Variants in POPDC3 observed in about 807,000 individuals in gnomAD.
POPDC3 encodes popeye domain-containing protein 3.
A neutral mutation model predicts 28.2 loss-of-function variants in POPDC3; 20 were observed. That is an observed-to-expected ratio of 0.71 (90% CI 0.50 to 1.03). The LOEUF (loss-of-function observed/expected upper bound fraction) is 1.03, where lower values mean the gene tolerates loss of function less well. Ranked by LOEUF, POPDC3 falls within the 50% of genes least tolerant of loss-of-function variation. The pLI is 0.00. For synonymous variants in POPDC3, 118 were observed against 124.1 expected (o/e 0.95, Z 0.33); for missense variants, 316 against 345.9 (o/e 0.91, Z 0.69).
Position 105,161,841 on chromosome 6 carries a change from T to C in POPDC3, c.69A>G (p.Gln23=). ...GATGATAAATGGCTCCTTCGGCCTC[T>C]TGCTTCCAGGTTGTGCAGACTGGGT... ...DEHPVCTTWK[Q]EAEGAIYHLA... Residue 23 remains glutamine, a synonymous_variant, in exon 2 of 4, where the codon CAA becomes CAG. Coordinates refer to ENST00000254765, the MANE Select transcript of POPDC3 (RefSeq NM_022361.5). 3.1e-6 allele frequency: 5 copies of C among 1,614,128 alleles called. No homozygotes were observed. The highest frequency in any genetic ancestry group is 4.2e-6 in the Non-Finnish European group (5 of 1,179,998).
At chr6:105,169,241 T>A (rs1336853861) in intron 1 of POPDC3, 4 of 152,324 alleles carry the variant, frequency 2.6e-5, no homozygotes, top group Admixed American at 1.3e-4. Context: ...CTGAAGACAC[T>A]CAATCCTTGC....
rs772870574 is a variant in POPDC3 at position 105,158,526 on chromosome 6, G to A, written c.820C>T (p.Arg274Cys). Residue 274 changes from arginine to cysteine, a missense_variant, in exon 4 of 4, where the codon CGC becomes TGC. Transcript: ENST00000254765. ...AAATGTTGTGTCAGGGGTGATCTGC[G>A]TATTTCTGGAGTTGACATTTGATAG... ...NFYQMSTPEI[R>C]RSPLTQHFQN... The A allele has an allele frequency of 5.3e-5, 86 of 1,613,950 alleles. No homozygotes were observed. In the East Asian group the frequency reaches 6.7e-4, roughly 13 times the overall value.
chr6:105,159,804 A>G lies in POPDC3; in HGVS notation c.501T>C (p.Val167=). The G allele has an allele frequency of 1.9e-6, 3 of 1,612,550 alleles. No homozygotes were observed. The highest frequency in any genetic ancestry group is 2.5e-6 in the Non-Finnish European group (3 of 1,178,724). ...LLVSGRIRVT[V]DGEFLHYIFP... The stretch of plus-strand genomic sequence containing the variant: ...AAATGTAATGCAGAAATTCGCCATC[A>G]ACTGTCACTCTGATCCTATCAAAAC... The change falls in exon 3 of 4, where the codon GTT becomes GTC. Residue 167 remains valine, a synonymous_variant. Transcript: ENST00000254765.
In POPDC3 at chr6:105,179,192, T is replaced by G; in HGVS notation, c.-252+641A>C. ...ACATGGTGATAAGACAATTTAGGGG[T>G]TGGCAAATTTCTTTTTTGGCAGGGG... On this transcript the variant is annotated intron_variant, in intron 1 of 3. Coordinates refer to ENST00000254765, the MANE Select transcript of POPDC3 (RefSeq NM_022361.5). 6.1e-6 allele frequency: 6 copies of G among 985,352 alleles called. 1 individual carries two copies. The highest frequency in any genetic ancestry group is 5.2e-4 in the Middle Eastern group (1 of 1,914). 61.0% of individuals were successfully genotyped at this position (985,352 alleles called of 1,614,324 possible).
At chr6:105,179,310 C>T in intron 1 of POPDC3, 1 of 943,200 alleles carries the variant, frequency 1.1e-6, no homozygotes, top group South Asian at 4.9e-5. Context: ...AGAGCACTGA[C>T]ACCAGTCAGG....
intron 1 of POPDC3, among the ~76,000 whole-genome samples, chr6:105,174,382 G>A (rs1331419004): frequency 6.6e-6 from 1 of 152,140 alleles, no homozygotes; most frequent in Admixed American, 6.5e-5. Context: ...AGCTACATTA[G>A]ATGCTAGCAG....
At chr6:105,167,527 A>T (rs1268849841) in intron 1 of POPDC3, among the ~76,000 whole-genome samples, 3 of 152,134 alleles carry the variant, frequency 2.0e-5, no homozygotes, top group African/African-American at 7.2e-5. Context: ...AGGATGGATC[A>T]CTTGAGGCCA....
chr6:105,174,895 G>C (rs946184007), intron 1 of POPDC3, among the ~76,000 whole-genome samples: 1 of 152,198 alleles, frequency 6.6e-6, no homozygotes. Flanking sequence ...ATGGCCAGGC[G>C]TGGTGTCTCA....
rs142144642 is a variant in POPDC3, at chr6:105,166,607, C to T, written c.-251-4447G>A. The T allele has an allele frequency of 1.0e-3, 483 of 471,160 alleles. 7 individuals are homozygous for T. In the East Asian group the frequency reaches 0.028, roughly 27 times the overall value. The allele number at this position is 471,160 out of a possible 1,614,324, so 29.2% of individuals were successfully genotyped here. A position where few individuals can be genotyped will look rare whatever the true frequency, so the allele number is the denominator to read the frequency against. ...TCCATCCTTTACCTCGGTGAAAAGA[C>T]GTTTTCCTTCCGTACACTCATCAGT... On this transcript the variant is annotated intron_variant, in intron 1 of 3. Coordinates refer to ENST00000254765, the MANE Select transcript of POPDC3 (RefSeq NM_022361.5).
At chr6:105,159,887 G>T in intron 2 of POPDC3, 68 bp from the exon 3 acceptor site, 2 of 1,072,016 alleles carry the variant, frequency 1.9e-6, no homozygotes, top group East Asian at 2.4e-5. Flanking sequence ...GGAGGGGTGG[G>T]GGGTAGAGGA....
intron 1 of POPDC3, among the ~76,000 whole-genome samples, chr6:105,178,431 A>G (rs975837655): frequency 6.6e-6 from 1 of 152,200 alleles, no homozygotes; most frequent in African/African-American, 2.4e-5. Context: ...ATGCACCATG[A>G]TTCAGCTATT....
At chr6:105,166,769 T>A (rs946539731) in intron 1 of POPDC3, 3 of 355,454 alleles carry the variant, frequency 8.4e-6, no homozygotes, top group Non-Finnish European at 1.7e-5. Context: ...TGTGTCATAC[T>A]GACCATTATG....
Position 105,161,597 on chromosome 6 carries a change from C to G in POPDC3, c.313G>C (p.Ala105Pro). The G allele has an allele frequency of 1.2e-6, 2 of 1,614,114 alleles. No homozygotes were observed. Among genetic ancestry groups the G allele is most frequent in the South Asian group, 2.2e-5 (2 of 91,080 alleles). The change falls in exon 2 of 4, where the codon GCC becomes CCC. Residue 105 changes from alanine to proline, a missense_variant. Transcript: ENST00000254765. The stretch of plus-strand genomic sequence containing the variant: ...CTGTACAACACTTGGAATTCTCGGG[C>G]AAAGGTTATGCTGCGAACTTGATAT... The part of the protein sequence containing the change: ...IAYQVRSITF[A>P]REFQVLYSSL...
chr6:105,166,707 G>A (rs1244281484), intron 1 of POPDC3: 3 of 468,524 alleles, frequency 6.4e-6, no homozygotes, highest in East Asian at 1.4e-4. Flanking sequence ...CACCTTGTAA[G>A]CTGAGTTTTT....
intron 3 of POPDC3, 23 bp downstream of exon 3, chr6:105,159,688 C>T: frequency 7.7e-7 from 1 of 1,303,726 alleles, no homozygotes; most frequent in Non-Finnish European, 1.1e-6. Context: ...GGAGTGCTAA[C>T]TGTGTGTTCT....
chr6:105,162,729 G>T (rs1183275330), intron 1 of POPDC3, among the ~76,000 whole-genome samples: 1 of 152,160 alleles, frequency 6.6e-6, no homozygotes, highest in African/African-American at 2.4e-5. Flanking sequence ...GTAAGACTCT[G>T]TATTAATACA....
At position 105,158,153 on chromosome 6, in the gene POPDC3, G is replaced by T; in HGVS notation, c.*317C>A. ...AGCAACTCCTGAGTCTATAGGGCAA[G>T]ACAATGCATTTGAGTAAATGTGAGA... On this transcript the variant is annotated 3_prime_UTR_variant, in exon 4 of 4. Transcript: ENST00000254765. 3.8e-6 allele frequency: 1 copy of T among 262,698 alleles called. No individual in the cohort carries two copies. The allele number at this position is 262,698 out of a possible 1,614,324, so 16.3% of individuals were successfully genotyped here. A position where few individuals can be genotyped will look rare whatever the true frequency, so the allele number is the denominator to read the frequency against.
At chr6:105,164,731 C>A (rs932019613) in intron 1 of POPDC3, among the ~76,000 whole-genome samples, 5 of 152,204 alleles carry the variant, frequency 3.3e-5, no homozygotes, top group Non-Finnish European at 4.4e-5. Flanking sequence ...CAAAGTGGCA[C>A]AATGGATTTC....
intron 1 of POPDC3, among the ~76,000 whole-genome samples, chr6:105,174,829 C>T (rs1049511560): frequency 6.6e-6 from 1 of 152,128 alleles, no homozygotes; most frequent in Non-Finnish European, 1.5e-5. Flanking sequence ...GTAAAAGAAC[C>T]AGTGATTCAT....
Sources: gnomAD v4.1 joint callset for allele counts (sites outside exome capture counted in the v4.1 genomes callset) on GRCh38, gnomAD v4.1.1 for gene constraint, MANE v1.5 for transcripts, NCBI Gene and HGNC (gene_info 2026-07-23, HGNC 2026-07-21) for gene names.